Variants in ZNF391 observed in about 807,000 individuals in gnomAD.
The protein encoded by ZNF391 is zinc finger protein 391.
For missense variants in ZNF391, 375 were observed against 425.5 expected (o/e 0.88, Z 1.04); for synonymous variants, 126 against 142.1 (o/e 0.89, Z 0.80).
At chr6:27,382,594 TG>T (rs1331976409) in intron 1 of ZNF391, among the ~76,000 whole-genome samples, 1 of 152,082 alleles carries the variant, frequency 6.6e-6, no homozygotes, top group Non-Finnish European at 1.5e-5. Context: ...GAAACAATGA[TG>T]ATTAAGATGA....
chr6:27,390,246 A>G (rs1228579627), intron 1 of ZNF391, among the ~76,000 whole-genome samples: 2 of 152,228 alleles, frequency 1.3e-5, no homozygotes, highest in Non-Finnish European at 2.9e-5. Flanking sequence ...GAGACAAGCA[A>G]TGTCAAAAGA....
Position 27,374,823 on chromosome 6 carries a change from A to G in ZNF391, n.209A>G, listed in dbSNP as rs1403436781. 2.0e-5 allele frequency: 3 copies of G among 151,182 alleles called. No homozygotes were observed. The highest frequency in any genetic ancestry group is 4.4e-5 in the Non-Finnish European group (3 of 67,800). 9.4% of individuals were successfully genotyped at this position (151,182 alleles called of 1,614,324 possible). A position where few individuals can be genotyped will look rare whatever the true frequency, so the allele number is the denominator to read the frequency against. Reference sequence around the variant, plus strand: ...CTAATTTCTCGCAAAACTCCCGGGGACCCTTCTTAATGTCAGTAGCCACAG... The same window carrying G: ...CTAATTTCTCGCAAAACTCCCGGGGGCCCTTCTTAATGTCAGTAGCCACAG... On this transcript the variant is annotated non_coding_transcript_exon_variant, in exon 1 of 3. Coordinates refer to the ZNF391 transcript ENST00000477999. This position sits in a 1 kb window ranked among gnomAD's most constrained non-coding sequence, Gnocchi z 5.3.
At chr6:27,390,355 G>A (rs1761676876) in intron 1 of ZNF391, among the ~76,000 whole-genome samples, 1 of 152,170 alleles carries the variant, frequency 6.6e-6, no homozygotes, top group Non-Finnish European at 1.5e-5. Context: ...GGCTAGGGCT[G>A]CAGCATGTTG....
Position 27,376,874 on chromosome 6 carries a change from A to C in ZNF391, n.523+1737A>C, listed in dbSNP as rs1028309556. Among the ~76,000 whole-genome samples the C allele has an allele frequency of 1.6e-4, 25 of 152,192 alleles. No homozygotes were observed. The highest frequency in any genetic ancestry group is 5.8e-4 in the African/African-American group (24 of 41,520). ...TCTCAAAATAAATAAATAAATAATA[A>C]AATACGTACACATTCTTGTGAAGTT... On this transcript the variant is annotated intron_variant and non_coding_transcript_variant, in intron 1 of 2. Transcript: ENST00000477999. This position sits in a 1 kb window ranked among gnomAD's most constrained non-coding sequence, Gnocchi z 4.7.
chr6:27,379,613 A>ACC (rs56209734), intron 1 of ZNF391, among the ~76,000 whole-genome samples: 37 of 151,524 alleles, frequency 2.4e-4, no homozygotes, highest in Middle Eastern at 6.8e-3. Flanking sequence ...TCACCAGGGG[A>ACC]CCCCCCCCCA....
chr6:27,382,836 C>G (rs1310091283), intron 1 of ZNF391, among the ~76,000 whole-genome samples: 2 of 152,092 alleles, frequency 1.3e-5, no homozygotes, highest in Non-Finnish European at 2.9e-5. Context: ...AATTGAAAAG[C>G]AGGCTGAGCA....
upstream of ZNF391, among the ~76,000 whole-genome samples, chr6:27,384,368 G>A (rs548244697): frequency 6.6e-6 from 1 of 150,814 alleles, no homozygotes; most frequent in East Asian, 2.0e-4. Flanking sequence ...GGAGGCAGAG[G>A]CACAAGAATT....
At chr6:27,398,198 A>G (rs1761871015) in intron 1 of ZNF391, among the ~76,000 whole-genome samples, 1 of 152,224 alleles carries the variant, frequency 6.6e-6, no homozygotes, top group Non-Finnish European at 1.5e-5. Flanking sequence ...AATCTCATGG[A>G]TATCAAATTA....
chr6:27,400,938 G>C lies in ZNF391; in HGVS notation c.568G>C (p.Glu190Gln). ...LSLHQRIHTG[E>Q]KPYECSECGK... ...TCTACATCAGAGAATCCATACTGGA[G>C]AAAAACCATATGAATGTAGTGAATG... The change falls in exon 3 of 3, where the codon GAA becomes CAA. Residue 190 changes from glutamate to glutamine, a missense_variant. Coordinates refer to ENST00000244576, the MANE Select transcript of ZNF391 (RefSeq NM_001076781.3). The C allele has an allele frequency of 6.2e-7, 1 of 1,614,188 alleles. No individual in the cohort carries two copies. Among genetic ancestry groups the C allele is most frequent in the South Asian group, 1.1e-5 (1 of 91,086 alleles).
chr6:27,388,749 G>T, upstream of ZNF391: 1 of 362,408 alleles, frequency 2.8e-6, no homozygotes, highest in South Asian at 2.0e-5. Context: ...CTGATACGTT[G>T]CTCAGTCTCA....
chr6:27,398,104 A>G (rs1204222847), intron 1 of ZNF391, among the ~76,000 whole-genome samples: 2 of 152,212 alleles, frequency 1.3e-5, no homozygotes, highest in African/African-American at 2.4e-5. Flanking sequence ...TTCTTGGCAC[A>G]TATCCTCCAA....
In ZNF391 at chr6:27,389,010, G is replaced by A. The variant is rs1440594813; in HGVS notation, c.-253G>A. On this transcript the variant is annotated 5_prime_UTR_variant, in exon 1 of 3. Transcript: ENST00000244576. The stretch of plus-strand genomic sequence containing the variant: ...CCGCTCCAAGTGCGGGACCCGCCCG[G>A]GGTGTGTCGGGGGTACTCGGCCGGA... 4.4e-6 allele frequency: 2 copies of A among 456,434 alleles called. No homozygotes were observed. The highest frequency in any genetic ancestry group is 8.8e-6 in the Non-Finnish European group (2 of 226,866). The allele number at this position is 456,434 out of a possible 1,614,324, so 28.3% of individuals were successfully genotyped here. A position where few individuals can be genotyped will look rare whatever the true frequency, so the allele number is the denominator to read the frequency against.
At chr6:27,387,497 T>C (rs77241188), upstream of ZNF391, among the ~76,000 whole-genome samples, 4,980 of 152,336 alleles carry the variant, frequency 0.033, 107 homozygotes, top group Middle Eastern at 0.065. Flanking sequence ...TATGTATGTA[T>C]ATTTATACAC....
At chr6:27,389,510 CAG>C (rs753104361) in intron 1 of ZNF391, 3 of 440,358 alleles carry the variant, frequency 6.8e-6, no homozygotes, top group South Asian at 4.9e-5. Context: ...TTGAGGCACA[CAG>C]AGATGAAGTA....
chr6:27,381,778 G>A (rs1162224148), intron 1 of ZNF391, among the ~76,000 whole-genome samples: 1 of 152,180 alleles, frequency 6.6e-6, no homozygotes, highest in African/African-American at 2.4e-5. Flanking sequence ...CACACCTGTA[G>A]TCCCATCACT....
chr6:27,396,990 C>T (rs1761839939), intron 1 of ZNF391, among the ~76,000 whole-genome samples: 1 of 152,038 alleles, frequency 6.6e-6, no homozygotes. Flanking sequence ...TCCAGAGTCT[C>T]CCTAGGATGC....
intron 1 of ZNF391, among the ~76,000 whole-genome samples, chr6:27,396,254 A>G (rs950962984): frequency 6.6e-6 from 1 of 152,210 alleles, no homozygotes; most frequent in African/African-American, 2.4e-5. Flanking sequence ...TTATAATCGA[A>G]TAATATGCAT....
chr6:27,396,213 T>C (rs539297860), intron 1 of ZNF391, among the ~76,000 whole-genome samples: 4 of 152,272 alleles, frequency 2.6e-5, no homozygotes, highest in Admixed American at 2.0e-4. Context: ...ACCTTAACTA[T>C]AATATGAAGG....
At chr6:27,384,648 C>A (rs1761558922), upstream of ZNF391, among the ~76,000 whole-genome samples, 1 of 152,102 alleles carries the variant, frequency 6.6e-6, no homozygotes, top group South Asian at 2.1e-4. Context: ...CATATACACA[C>A]ACTGTTATGT....
Sources: gnomAD v4.1 joint callset for allele counts (sites outside exome capture counted in the v4.1 genomes callset) on GRCh38, gnomAD v4.1.1 for gene constraint, Gnocchi (gnomAD v3.1) non-coding constraint, MANE v1.5 for transcripts, NCBI Gene and HGNC (gene_info 2026-07-23, HGNC 2026-07-21) for gene names.